The following GGA1 variants were observed in gnomAD, a reference collection of about 807,000 sequenced individuals.
GGA1 encodes golgi associated, gamma adaptin ear containing, ARF binding protein 1, also known as ADP-ribosylation factor-binding protein GGA1.
In GGA1, 18 loss-of-function variants were observed where a neutral mutation model predicts 76.9. That is an observed-to-expected ratio of 0.23 (90% CI 0.16 to 0.35). The LOEUF is 0.35. Among genes scored for constraint, GGA1 ranks in the 10% least tolerant of loss-of-function variants. GGA1 has a pLI of 1.00. For missense variants in GGA1, 755 were observed against 859.0 expected (o/e 0.88, Z 1.51); for synonymous variants, 342 against 354.7 (o/e 0.96, Z 0.40).
intron 1 of GGA1, among the ~76,000 whole-genome samples, chr22:37,611,689 C>A (rs1927613858): frequency 6.6e-6 from 1 of 152,222 alleles, no homozygotes. Context: ...ACAGATCCTT[C>A]TCTGTTCTAC....
rs1346799759 is a variant in GGA1 at position 37,632,072 on chromosome 22, A to G, written c.1605A>G (p.Pro535=). The G allele has an allele frequency of 6.2e-7, 1 of 1,613,560 alleles. No individual in the cohort carries two copies. The highest frequency in any genetic ancestry group is 1.3e-5 in the African/African-American group (1 of 74,920). Residue 535 remains proline, a synonymous_variant, in exon 15 of 17, where the codon CCA becomes CCG. Coordinates refer to ENST00000343632, the MANE Select transcript of GGA1 (RefSeq NM_013365.5). This position sits in a 1 kb window ranked among gnomAD's most constrained non-coding sequence, Gnocchi z 5.1. The part of the protein sequence containing the change: ...ILFHFARDPL[P]GRSDVLVVVV... ...TCCATTTTGCCCGGGACCCACTGCCAGGGCGCTCCGACGTGCTGGTGGTGG... is the reference window on the plus strand; with the variant it reads ...TCCATTTTGCCCGGGACCCACTGCCGGGGCGCTCCGACGTGCTGGTGGTGG...
At chr22:37,620,755 A>AC in intron 5 of GGA1, 58 bp from the exon 6 acceptor site, 1 of 1,047,500 alleles carries the variant, frequency 9.5e-7, no homozygotes, top group Non-Finnish European at 1.5e-6. Flanking sequence ...TCCCCATGTC[A>AC]CCCCTACCCC....
In GGA1 at chr22:37,625,105, G is replaced by T; in HGVS notation, c.940+29G>T. Reference sequence around the variant, plus strand: ...AGGAGGTGGCAGGAGAGCTGGGAGGGCACCCATCAGGCTGGAGGGGCACAG... The same window carrying T: ...AGGAGGTGGCAGGAGAGCTGGGAGGTCACCCATCAGGCTGGAGGGGCACAG... On this transcript the variant is annotated intron_variant, in intron 10 of 16. Coordinates refer to ENST00000343632, the MANE Select transcript of GGA1 (RefSeq NM_013365.5). The surrounding 1 kb of genome is among the most constrained non-coding windows in gnomAD (Gnocchi z 4.1). The T allele has an allele frequency of 6.5e-7, 1 of 1,549,138 alleles. No homozygotes were observed. The highest frequency in any genetic ancestry group is 8.8e-7 in the Non-Finnish European group (1 of 1,141,912).
At chr22:37,631,851 A>G in intron 14 of GGA1, 145 bp from the exon 15 acceptor site, 1 of 641,738 alleles carries the variant, frequency 1.6e-6, no homozygotes. Flanking sequence ...ACTGCCACCC[A>G]GGGTCCAGGT....
intron 2 of GGA1, among the ~76,000 whole-genome samples, chr22:37,614,615 GT>G (rs1928398016): frequency 6.6e-6 from 1 of 152,230 alleles, no homozygotes; most frequent in Admixed American, 6.5e-5. Context: ...AGAACTGCAT[GT>G]TCCCCAATTG....
rs1930339494 is a variant in GGA1, at chr22:37,623,839, C to A, written c.832+206C>A. On this transcript the variant is annotated intron_variant, in intron 9 of 16. Coordinates refer to ENST00000343632, the MANE Select transcript of GGA1 (RefSeq NM_013365.5). The surrounding 1 kb of genome is among the most constrained non-coding windows in gnomAD (Gnocchi z 4.6). ...GTTGAGAGGCCCTGTGGGCCAGCCC[C>A]CTTAACAGGCATCTTATTTACTACC... is the stretch of plus-strand genomic sequence containing the variant. The A allele has an allele frequency of 2.0e-5, 11 of 561,980 alleles. No homozygotes were observed. The South Asian group carries it at 2.2e-4, about 11-fold the overall frequency. The allele number at this position is 561,980 out of a possible 1,614,324, so 34.8% of individuals were successfully genotyped here. A position where few individuals can be genotyped will look rare whatever the true frequency, so the allele number is the denominator to read the frequency against.
chr22:37,620,814 G>A lies in GGA1; in HGVS notation c.429G>A (p.Gly143=). ...CTTTCTGACACTCATCTAATCCAGG[G>A]ATTGTAAAGTCCGACCCCAAGCTTC... ...AEAYQMLKKQ[G]IVKSDPKLPD... Residue 143 remains glycine, a splice_region_variant and synonymous_variant, in exon 6 of 17, where the codon GGG becomes GGA. Coordinates refer to ENST00000343632, the MANE Select transcript of GGA1 (RefSeq NM_013365.5). 15 of 1,589,896 alleles carry A rather than the reference G, an allele frequency of 9.4e-6. No individual in the cohort carries two copies. The highest frequency in any genetic ancestry group is 1.3e-5 in the Non-Finnish European group (15 of 1,157,914).
At chr22:37,630,627 C>A (rs537442371) in intron 13 of GGA1, 28 of 508,974 alleles carry the variant, frequency 5.5e-5, no homozygotes, top group African/African-American at 5.4e-4. Context: ...AGTACAGTGG[C>A]ATGATCTCGG....
intron 2 of GGA1, 102 bp downstream of exon 2, chr22:37,614,376 C>T (rs1307249130): frequency 7.6e-6 from 6 of 794,620 alleles, no homozygotes; most frequent in Admixed American, 3.8e-5. Context: ...TCATTCTGAA[C>T]GTATTCACAA....
chr22:37,612,991 T>G, intron 1 of GGA1: 4 of 985,396 alleles, frequency 4.1e-6, no homozygotes, highest in Non-Finnish European at 4.8e-6. Flanking sequence ...ACCCTTTGCC[T>G]GCCCTCAGCT....
At chr22:37,629,623 C>A in intron 12 of GGA1, 97 bp downstream of exon 12, 1 of 774,652 alleles carries the variant, frequency 1.3e-6, no homozygotes, top group Non-Finnish European at 2.0e-6. Context: ...TGGATGGGCT[C>A]TACTCAAGAG....
chr22:37,618,684 T>G, intron 4 of GGA1, 138 bp downstream of exon 4: 1 of 602,540 alleles, frequency 1.7e-6, no homozygotes, highest in Non-Finnish European at 3.1e-6. Context: ...AACTCAGACC[T>G]AGGAAAAACA....
At chr22:37,609,707 C>T (rs1400233486) in intron 1 of GGA1, among the ~76,000 whole-genome samples, 2 of 152,164 alleles carry the variant, frequency 1.3e-5, no homozygotes, top group Non-Finnish European at 2.9e-5. Flanking sequence ...CCTGATGATC[C>T]CCTGCTCTCA....
intron 1 of GGA1, among the ~76,000 whole-genome samples, chr22:37,611,917 C>T (rs923718575): frequency 6.6e-6 from 1 of 152,120 alleles, no homozygotes; most frequent in Non-Finnish European, 1.5e-5. Context: ...TTTGGGTGGC[C>T]GAGGTGGGTG....
chr22:37,612,823 T>C (rs981095570), intron 1 of GGA1: 1 of 618,662 alleles, frequency 1.6e-6, no homozygotes, highest in Non-Finnish European at 2.0e-6. Flanking sequence ...GATGGGGAAA[T>C]GGAGGTTCAG....
At chr22:37,609,187 G>T in intron 1 of GGA1, 1 of 1,396,018 alleles carries the variant, frequency 7.2e-7, no homozygotes, top group Admixed American at 2.7e-5. Flanking sequence ...GGGACGGAGA[G>T]AGCAGCCTCC....
intron 6 of GGA1, 59 bp from the exon 7 acceptor site, chr22:37,621,557 A>C: frequency 9.3e-7 from 1 of 1,079,800 alleles, no homozygotes; most frequent in Non-Finnish European, 1.4e-6. Flanking sequence ...ATGTGACTCC[A>C]GTCTTCTGAC....
In GGA1 at chr22:37,618,475, G is replaced by A. The variant is rs746824920; in HGVS notation, c.232G>A (p.Gly78Ser). ...TVLETCMKSCGKRFHDEVGKF... is the reference protein window; with the variant it reads ...TVLETCMKSCSKRFHDEVGKF... Reference sequence around the variant, plus strand: ...GCTGGAAACATGCATGAAGAGCTGCGGCAAGCGGTTCCACGACGAAGTGGG... The same window carrying A: ...GCTGGAAACATGCATGAAGAGCTGCAGCAAGCGGTTCCACGACGAAGTGGG... The change falls in exon 4 of 17, where the codon GGC becomes AGC. Residue 78 changes from glycine to serine, a missense_variant. Physicochemically the swap from Gly to Ser is moderately conservative, Grantham distance 56 (BLOSUM62 0). Coordinates refer to ENST00000343632, the MANE Select transcript of GGA1 (RefSeq NM_013365.5). 7.1e-5 allele frequency: 114 copies of A among 1,612,904 alleles called. No individual in the cohort carries two copies. Among genetic ancestry groups the A allele is most frequent in the Non-Finnish European group, 9.2e-5 (108 of 1,179,082 alleles).
Position 37,616,981 on chromosome 22 carries a change from C to T in GGA1, c.188C>T (p.Ala63Val), listed in dbSNP as rs774375289. Residue 63 changes from alanine to valine, a missense_variant, in exon 3 of 17, where the codon GCG becomes GTG. Coordinates refer to ENST00000343632, the MANE Select transcript of GGA1 (RefSeq NM_013365.5). The part of the protein sequence containing the change: ...HKIQSPQEWE[A>V]IQALTVLETC... ...ATCCAGTCCCCACAGGAGTGGGAGG[C>T]GATCCAGGCCTTGACGGTGAGAAGG... The T allele has an allele frequency of 5.0e-6, 8 of 1,607,188 alleles. No individual in the cohort carries two copies. The highest frequency in any genetic ancestry group is 6.8e-6 in the Non-Finnish European group (8 of 1,176,926).
Sources: allele counts gnomAD v4.1 joint callset (sites outside exome capture counted in the v4.1 genomes callset), GRCh38; gene constraint gnomAD v4.1.1; non-coding constraint Gnocchi (gnomAD v3.1); transcripts MANE v1.5; gene names NCBI Gene and HGNC (gene_info 2026-07-23, HGNC 2026-07-21).